EFHD2: variants seen among roughly 807,000 people sequenced by gnomAD.
The protein encoded by EFHD2 is EF-hand domain-containing protein D2.
A neutral mutation model predicts 20.3 loss-of-function variants in EFHD2; 12 were observed. The ratio of observed to expected loss-of-function variants is 0.59; its 90% CI spans 0.38 to 0.96. The LOEUF (loss-of-function observed/expected upper bound fraction) is 0.96. EFHD2 is among the 40% of genes least tolerant of loss of function. The pLI is 0.00. For synonymous variants in EFHD2, 131 were observed against 143.9 expected, an observed-to-expected ratio of 0.91 and a Z score of 0.64; for missense variants, 250 against 334.3, an observed-to-expected ratio of 0.75 and a Z score of 1.97.
rs904810506 is a variant in EFHD2, at chr1:15,426,528, G to T, written c.456+510G>T. 1.3e-5 allele frequency among the ~76,000 whole-genome samples: 2 copies of T among 152,114 alleles called. No homozygotes were observed. The highest frequency in any genetic ancestry group is 2.9e-5 in the Non-Finnish European group (2 of 68,014). ...CAGCGATGATACTGGACCCCAGGAA[G>T]TACAGGGATGGACCCCAGGAAGCAC... On this transcript the variant is annotated intron_variant, in intron 2 of 3. Coordinates refer to ENST00000375980, the MANE Select transcript of EFHD2 (RefSeq NM_024329.6). This position sits in a 1 kb window ranked among gnomAD's most constrained non-coding sequence, Gnocchi z 4.6.
chr1:15,417,173 C>T (rs938155716), intron 1 of EFHD2, among the ~76,000 whole-genome samples: 4 of 152,174 alleles, frequency 2.6e-5, no homozygotes, highest in South Asian at 2.1e-4. Context: ...AGCGCTAAGC[C>T]TCGGCTCAGG....
intron 1 of EFHD2, among the ~76,000 whole-genome samples, chr1:15,419,852 A>G (rs916658723): frequency 6.6e-6 from 1 of 152,112 alleles, no homozygotes; most frequent in African/African-American, 2.4e-5. Flanking sequence ...TGGCACCATG[A>G]GAGTAGCCCC....
chr1:15,421,121 T>C (rs1707782536), intron 1 of EFHD2, among the ~76,000 whole-genome samples: 1 of 152,132 alleles, frequency 6.6e-6, no homozygotes, highest in Non-Finnish European at 1.5e-5. Flanking sequence ...ATCTCCATGA[T>C]GTAGATGAGG....
intron 1 of EFHD2, among the ~76,000 whole-genome samples, chr1:15,418,110 C>A (rs111835906): frequency 0.062 from 9,241 of 148,940 alleles, 996 homozygotes; most frequent in African/African-American, 0.22. Flanking sequence ...CTGCCTCAGC[C>A]TCCCTAGTAG....
chr1:15,417,397 G>A (rs374802596), intron 1 of EFHD2, among the ~76,000 whole-genome samples: 1 of 152,154 alleles, frequency 6.6e-6, no homozygotes, highest in African/African-American at 2.4e-5. Flanking sequence ...GAAGCGAAAG[G>A]GGGTGGCTGG....
intron 1 of EFHD2, among the ~76,000 whole-genome samples, chr1:15,418,828 G>A (rs890674513): frequency 6.8e-6 from 1 of 146,022 alleles, no homozygotes; most frequent in Non-Finnish European, 1.5e-5. Flanking sequence ...GAGTGCATGT[G>A]TTTGATCAGG....
In EFHD2 at chr1:15,427,292, G is replaced by C; in HGVS notation, c.591+8G>C. 1 of 1,603,112 alleles carries C rather than the reference G, an allele frequency of 6.2e-7. No homozygotes were observed. The highest frequency in any genetic ancestry group is 1.1e-5 in the South Asian group (1 of 88,868). On this transcript the variant is annotated splice_region_variant and intron_variant, in intron 3 of 3. Coordinates refer to ENST00000375980, the MANE Select transcript of EFHD2 (RefSeq NM_024329.6). ...AGCTTCTTTGAGGCCAAGGTGAGGAGCCCAAGGGGTGCCCTGACCCACGCT... is the reference window on the plus strand; with the variant it reads ...AGCTTCTTTGAGGCCAAGGTGAGGACCCCAAGGGGTGCCCTGACCCACGCT...
chr1:15,421,747 G>A (rs1047655420), intron 1 of EFHD2, among the ~76,000 whole-genome samples: 1 of 152,238 alleles, frequency 6.6e-6, no homozygotes, highest in Admixed American at 6.5e-5. Context: ...GGAGAGACAC[G>A]TGGGACCCAG....
At chr1:15,410,644 C>A (rs1052493510) in intron 1 of EFHD2, among the ~76,000 whole-genome samples, 43 of 151,950 alleles carry the variant, frequency 2.8e-4, no homozygotes, top group African/African-American at 9.2e-4. Context: ...GCCCTCCGCG[C>A]TGTTAGTGGG....
intron 1 of EFHD2, 30 bp downstream of exon 1, chr1:15,410,309 C>T (rs1423166018): frequency 1.1e-5 from 17 of 1,553,342 alleles, no homozygotes; most frequent in Non-Finnish European, 1.5e-5. Context: ...GGCCCCCCGC[C>T]CGCCCCGCGA....
chr1:15,410,729 C>G (rs1017306410), intron 1 of EFHD2, among the ~76,000 whole-genome samples: 9 of 152,028 alleles, frequency 5.9e-5, no homozygotes, highest in Non-Finnish European at 1.3e-4. Context: ...CCCAGCTACT[C>G]GCGTTCCCCA....
intron 1 of EFHD2, among the ~76,000 whole-genome samples, chr1:15,421,762 T>G (rs1000244601): frequency 2.6e-5 from 4 of 152,198 alleles, no homozygotes; most frequent in Admixed American, 6.5e-5. Flanking sequence ...ACCCAGGGGC[T>G]GGGGCGTGAA....
chr1:15,410,588 C>A (rs1707467693), intron 1 of EFHD2, among the ~76,000 whole-genome samples: 1 of 152,146 alleles, frequency 6.6e-6, no homozygotes, highest in Non-Finnish European at 1.5e-5. Context: ...AGATAATCGC[C>A]AGGCCCCGCG....
intron 1 of EFHD2, among the ~76,000 whole-genome samples, chr1:15,424,371 C>A (rs773568571): frequency 3.9e-5 from 6 of 152,110 alleles, no homozygotes; most frequent in African/African-American, 1.4e-4. Flanking sequence ...ACCAGTGGTG[C>A]CTTCCCAGCC....
In EFHD2 at chr1:15,427,160, T is replaced by C. The variant is rs1707884670; in HGVS notation, c.467T>C (p.Ile156Thr). ...CCCTCCCCGCTGCAGTTCCTCCTGA[T>C]CTTCCGCAAGGCGGCGGCCGGGGAG... ...SKLSFREFLLIFRKAAAGELQ... is the reference protein window; with the variant it reads ...SKLSFREFLLTFRKAAAGELQ... Residue 156 changes from isoleucine to threonine, a missense_variant, in exon 3 of 4, where the codon ATC becomes ACC. Ile to Thr is a moderately conservative substitution (Grantham distance 89, BLOSUM62 -1). Around this residue, in one of 3 missense-constraint regions of EFHD2, gnomAD observed 100 missense variants for 116.2 expected, o/e 0.86. Transcript: ENST00000375980. 6.2e-7 allele frequency: 1 copy of C among 1,612,560 alleles called. No homozygotes were observed. The highest frequency in any genetic ancestry group is 8.5e-7 in the Non-Finnish European group (1 of 1,179,406).
intron 1 of EFHD2, among the ~76,000 whole-genome samples, chr1:15,421,916 T>G (rs188037919): frequency 3.7e-4 from 57 of 152,130 alleles, no homozygotes; most frequent in Non-Finnish European, 8.8e-5. Context: ...TCAATCTTGT[T>G]TTAGCGGTGG....
At chr1:15,428,364 G>C (rs184344451) in intron 3 of EFHD2, among the ~76,000 whole-genome samples, 94 of 152,308 alleles carry the variant, frequency 6.2e-4, no homozygotes, top group Non-Finnish European at 1.2e-3. Context: ...GGGCATGGTG[G>C]AGGGCACCCA....
At chr1:15,422,085 A>ATTTTTT (rs71000400) in intron 1 of EFHD2, among the ~76,000 whole-genome samples, 5 of 86,630 alleles carry the variant, frequency 5.8e-5, no homozygotes, top group Non-Finnish European at 8.9e-5. Context: ...AGGTCATTCC[A>ATTTTTT]TTTTTTTTTT....
chr1:15,424,533 C>T (rs542581319), intron 1 of EFHD2, among the ~76,000 whole-genome samples: 2 of 152,148 alleles, frequency 1.3e-5, no homozygotes, highest in Admixed American at 6.5e-5. Context: ...GCATCTCTAT[C>T]GCCCGATGCT....
Sources: allele counts gnomAD v4.1 joint callset (sites outside exome capture counted in the v4.1 genomes callset), GRCh38; gene constraint gnomAD v4.1.1; regional missense constraint gnomAD v4.1.1; non-coding constraint Gnocchi (gnomAD v3.1); transcripts MANE v1.5; gene names NCBI Gene and HGNC (gene_info 2026-07-23, HGNC 2026-07-21).